PCDH11X: variants seen among roughly 807,000 people sequenced by gnomAD.
PCDH11X encodes protocadherin 11 X-linked, also known as protocadherin-11 X-linked.
Under a neutral mutation model 53.3 loss-of-function variants are expected in PCDH11X, and 18 were observed. That is an observed-to-expected ratio of 0.34 (90% CI 0.23 to 0.50). The LOEUF (loss-of-function observed/expected upper bound fraction) is 0.50. Ranked by LOEUF, PCDH11X falls within the 20% of genes least tolerant of loss-of-function variation. PCDH11X has a pLI of 0.98. For synonymous variants in PCDH11X, 279 were observed against 393.3 expected, an observed-to-expected ratio of 0.71 and a Z score of 3.44; for missense variants, 570 against 1,032.4, an observed-to-expected ratio of 0.55 and a Z score of 6.14.
At chrX:92,473,749 A>G (rs2148666250) in intron 10 of PCDH11X, among the ~76,000 whole-genome samples, 1 of 111,035 alleles carries the variant, frequency 9.0e-6, no homozygotes, top group East Asian at 2.8e-4. Flanking sequence ...ATGTGAGTGT[A>G]TGGTTTCCAA....
chrX:92,015,783 T>C (rs567072333), intron 6 of PCDH11X, among the ~76,000 whole-genome samples: 4 of 111,951 alleles, frequency 3.6e-5, no homozygotes, highest in African/African-American at 1.3e-4. Flanking sequence ...AATCACCTTC[T>C]TCCAAGTTCT....
chrX:92,601,317 C>T lies in PCDH11X; in HGVS notation c.3368-16947C>T, dbSNP rs1190210919. On this transcript the variant is annotated intron_variant, in intron 10 of 10. Transcript: ENST00000682573. Reference sequence around the variant, plus strand: ...AATCTCCACGTGTTGTGGGAGGGAACCAGTGAGGGGTAATTGAATCATCAG... The same window carrying T: ...AATCTCCACGTGTTGTGGGAGGGAATCAGTGAGGGGTAATTGAATCATCAG... 5.0e-5 allele frequency among the ~76,000 whole-genome samples: 5 copies of T among 99,576 alleles called. No individual in the cohort carries two copies. The East Asian group carries it at 1.3e-3, about 25-fold the overall frequency. 86.5% of individuals were successfully genotyped at this position (99,576 alleles called of 115,157 possible).
chrX:92,328,187 A>C (rs999465807), intron 8 of PCDH11X, among the ~76,000 whole-genome samples: 4 of 111,340 alleles, frequency 3.6e-5, no homozygotes, highest in Non-Finnish European at 7.5e-5. Flanking sequence ...CTTGCATATA[A>C]TTTCTATCCT....
intron 9 of PCDH11X, among the ~76,000 whole-genome samples, chrX:92,428,564 C>T (rs1024630476): frequency 9.0e-6 from 1 of 111,082 alleles, no homozygotes; most frequent in African/African-American, 3.3e-5. Flanking sequence ...GGCTAGCACT[C>T]CATGAGCTTT....
intron 6 of PCDH11X, among the ~76,000 whole-genome samples, chrX:91,958,725 C>G (rs1254076886): frequency 9.0e-6 from 1 of 110,714 alleles, no homozygotes; most frequent in African/African-American, 3.3e-5. Context: ...AATTCCCTCA[C>G]CCTTTCTTGT....
intron 6 of PCDH11X, among the ~76,000 whole-genome samples, chrX:92,018,396 G>A (rs182555425): frequency 3.3e-4 from 37 of 111,917 alleles, no homozygotes; most frequent in African/African-American, 1.1e-3. Context: ...ATTTTTTAAT[G>A]GTAATGTTAA....
chrX:92,396,615 G>T (rs2071252403), intron 9 of PCDH11X, among the ~76,000 whole-genome samples: 1 of 106,739 alleles, frequency 9.4e-6, no homozygotes, highest in Non-Finnish European at 1.9e-5. Flanking sequence ...AGGCCGAGAT[G>T]GGTGGATCAC....
intron 10 of PCDH11X, among the ~76,000 whole-genome samples, chrX:92,581,383 A>T (rs1189695998): frequency 9.0e-6 from 1 of 111,299 alleles, no homozygotes; most frequent in Non-Finnish European, 1.9e-5. Flanking sequence ...TAATTGAGTA[A>T]CGGGGATAGC....
intron 6 of PCDH11X, among the ~76,000 whole-genome samples, chrX:91,932,701 C>CGTGT (rs1429913182): frequency 1.1e-5 from 1 of 87,339 alleles, no homozygotes; most frequent in Non-Finnish European, 2.3e-5. Context: ...TGTGTGTGTG[C>CGTGT]GCGCGCGCGC....
At chrX:92,456,224 T>C in intron 9 of PCDH11X, among the ~76,000 whole-genome samples, 1 of 111,892 alleles carries the variant, frequency 8.9e-6, no homozygotes, top group East Asian at 2.8e-4. Flanking sequence ...GCTTATAGTT[T>C]AAATAAATAT....
At chrX:91,971,936 G>A (rs1277865063) in intron 6 of PCDH11X, among the ~76,000 whole-genome samples, 1 of 111,434 alleles carries the variant, frequency 9.0e-6, no homozygotes, top group Non-Finnish European at 1.9e-5. Context: ...TTGGGGAGAT[G>A]TTTGTCAAAG....
At chrX:92,060,828 C>T (rs5942117) in intron 6 of PCDH11X, among the ~76,000 whole-genome samples, 88 of 111,437 alleles carry the variant, frequency 7.9e-4, no homozygotes, top group Non-Finnish European at 1.3e-3. Flanking sequence ...AATTTCTATT[C>T]GTTTGCGTAT....
At chrX:91,883,135 A>C (rs1409089828) in intron 6 of PCDH11X, 3 of 983,424 alleles carry the variant, frequency 3.1e-6, no homozygotes, top group Non-Finnish European at 3.9e-6. Flanking sequence ...TGGCAATGGA[A>C]ATTTAAAATT....
intron 1 of PCDH11X, among the ~76,000 whole-genome samples, chrX:91,802,751 TC>T (rs892072055): frequency 8.9e-6 from 1 of 111,957 alleles, no homozygotes; most frequent in African/African-American, 3.2e-5. Context: ...AGTAATTTTA[TC>T]TATTTCAACC....
At chrX:92,398,736 C>T (rs971523595) in intron 9 of PCDH11X, among the ~76,000 whole-genome samples, 2 of 111,158 alleles carry the variant, frequency 1.8e-5, no homozygotes, top group East Asian at 2.8e-4. Context: ...ATCAAGTCTG[C>T]TCCTTCCTAG....
intron 8 of PCDH11X, among the ~76,000 whole-genome samples, chrX:92,264,349 T>C (rs1415646255): frequency 9.0e-6 from 1 of 111,650 alleles, no homozygotes; most frequent in Non-Finnish European, 1.9e-5. Flanking sequence ...ACTGTGGCCT[T>C]GGAGTGATGA....
intron 8 of PCDH11X, among the ~76,000 whole-genome samples, chrX:92,268,687 A>G (rs1336431826): frequency 1.8e-5 from 2 of 111,604 alleles, no homozygotes; most frequent in East Asian, 2.8e-4. Context: ...CTTGCTTTGG[A>G]ACAGATTATT....
chrX:92,033,154 T>C (rs1351784672), intron 6 of PCDH11X, among the ~76,000 whole-genome samples: 1 of 111,108 alleles, frequency 9.0e-6, no homozygotes, highest in African/African-American at 3.3e-5. Context: ...TAGTATTTTG[T>C]TGAGGATTTT....
At chrX:92,068,746 G>T (rs986948678) in intron 6 of PCDH11X, among the ~76,000 whole-genome samples, 6 of 109,770 alleles carry the variant, frequency 5.5e-5, no homozygotes, top group African/African-American at 2.0e-4. Flanking sequence ...TACCATGTTG[G>T]CCAGGCTGGT....
Sources: allele counts gnomAD v4.1 joint callset (sites outside exome capture counted in the v4.1 genomes callset), GRCh38; gene constraint gnomAD v4.1.1; transcripts MANE v1.5; gene names NCBI Gene and HGNC (gene_info 2026-07-23, HGNC 2026-07-21).